Variants in ALCAM observed in about 807,000 individuals in gnomAD.
ALCAM encodes the protein CD166 antigen.
In ALCAM, 30 loss-of-function variants were observed where a neutral mutation model predicts 70.9. The ratio of observed to expected loss-of-function variants is 0.42; its 90% CI spans 0.32 to 0.57. ALCAM has a LOEUF of 0.57. Among genes scored for constraint, ALCAM ranks in the 20% least tolerant of loss-of-function variants. The probability of loss-of-function intolerance (pLI) is 0.11; values close to 1 mark genes in which losing one functional copy is unlikely to be tolerated. For synonymous variants in ALCAM, 249 were observed against 242.5 expected (o/e 1.03, Z -0.25); for missense variants, 591 against 695.1 (o/e 0.85, Z 1.68).
intron 1 of ALCAM, among the ~76,000 whole-genome samples, chr3:105,496,210 T>C (rs1401921836): frequency 6.6e-6 from 1 of 152,188 alleles, no homozygotes; most frequent in East Asian, 1.9e-4. Context: ...GAATATATCT[T>C]ACATTTTCAA....
At chr3:105,483,542 A>G (rs1335168994) in intron 1 of ALCAM, among the ~76,000 whole-genome samples, 2 of 152,116 alleles carry the variant, frequency 1.3e-5, no homozygotes, top group African/African-American at 4.8e-5. Flanking sequence ...TAAGAAAACA[A>G]TTAGTTCTGT....
chr3:105,505,737 CTT>C (rs1301046067), intron 1 of ALCAM, among the ~76,000 whole-genome samples: 1 of 152,132 alleles, frequency 6.6e-6, no homozygotes, highest in Non-Finnish European at 1.5e-5. Flanking sequence ...TAATAAATAA[CTT>C]ATTAAATTCT....
intron 1 of ALCAM, among the ~76,000 whole-genome samples, chr3:105,374,768 G>A (rs758550746): frequency 6.6e-5 from 10 of 151,988 alleles, no homozygotes; most frequent in Non-Finnish European, 8.8e-5. Flanking sequence ...TCTACATGCC[G>A]CGGCCTCCCA....
chr3:105,573,824 G>T (rs139590393), intron 15 of ALCAM, among the ~76,000 whole-genome samples: 1 of 152,154 alleles, frequency 6.6e-6, no homozygotes, highest in Non-Finnish European at 1.5e-5. Flanking sequence ...GGTCATCCAA[G>T]TTAATCCCAT....
chr3:105,433,394 C>T (rs1167896710), intron 1 of ALCAM, among the ~76,000 whole-genome samples: 1 of 152,120 alleles, frequency 6.6e-6, no homozygotes, highest in Non-Finnish European at 1.5e-5. Flanking sequence ...CCAGTGATGT[C>T]CAAGTCACTA....
rs374799425 is a variant in ALCAM, at chr3:105,455,268, C to T, written c.74-64799C>T. Among the ~76,000 whole-genome samples, 110 of 151,280 alleles carry T rather than the reference C, an allele frequency of 7.3e-4. 1 individual carries two copies. The South Asian group carries it at 0.011, about 15-fold the overall frequency. On this transcript the variant is annotated intron_variant, in intron 1 of 15. Coordinates refer to ENST00000306107, the MANE Select transcript of ALCAM (RefSeq NM_001627.4). ...CATCCTGGCTAACACGGTGAAACCCCGTCTCTACTAAAAATACAAAAAAAT... is the reference window on the plus strand; with the variant it reads ...CATCCTGGCTAACACGGTGAAACCCTGTCTCTACTAAAAATACAAAAAAAT...
intron 1 of ALCAM, among the ~76,000 whole-genome samples, chr3:105,484,654 A>G (rs1463159497): frequency 6.6e-6 from 1 of 152,128 alleles, no homozygotes; most frequent in African/African-American, 2.4e-5. Context: ...GGATATTAAT[A>G]CATAGTAATA....
intron 1 of ALCAM, among the ~76,000 whole-genome samples, chr3:105,519,750 T>A (rs1401177139): frequency 2.6e-4 from 39 of 152,154 alleles, no homozygotes; most frequent in Non-Finnish European, 2.9e-5. Context: ...GTAAAGAAGA[T>A]AATTCATCTG....
chr3:105,533,745 T>C (rs1485763598), intron 5 of ALCAM, 55 bp downstream of exon 5: 1 of 1,536,078 alleles, frequency 6.5e-7, no homozygotes, highest in Non-Finnish European at 9.0e-7. Flanking sequence ...GTTCTGACTT[T>C]CTTTGTTCTA....
intron 1 of ALCAM, among the ~76,000 whole-genome samples, chr3:105,406,748 GA>G (rs1470832238): frequency 1.4e-5 from 2 of 147,524 alleles, no homozygotes; most frequent in Non-Finnish European, 3.0e-5. Context: ...ACAATAAAAA[GA>G]TAAATGAAAA....
chr3:105,549,285 A>G (rs1940334210), intron 11 of ALCAM, among the ~76,000 whole-genome samples: 1 of 151,394 alleles, frequency 6.6e-6, no homozygotes, highest in African/African-American at 2.4e-5. Context: ...CTGTTATTTT[A>G]CAACTAGAAG....
intron 1 of ALCAM, among the ~76,000 whole-genome samples, chr3:105,517,035 G>A (rs541384663): frequency 3.9e-5 from 6 of 152,180 alleles, no homozygotes; most frequent in African/African-American, 7.2e-5. Context: ...AATCATTCGA[G>A]TTGACAGGTA....
chr3:105,473,891 T>G (rs146966731), intron 1 of ALCAM, among the ~76,000 whole-genome samples: 43 of 151,672 alleles, frequency 2.8e-4, no homozygotes, highest in Non-Finnish European at 4.9e-4. Flanking sequence ...GTTTTGTTTT[T>G]TTTTTTAAAG....
At chr3:105,494,445 CTTCCTTCT>C (rs1938680073) in intron 1 of ALCAM, among the ~76,000 whole-genome samples, 3 of 143,952 alleles carry the variant, frequency 2.1e-5, no homozygotes, top group Admixed American at 7.0e-5. Context: ...TCCTTCCTTC[CTTCCTTCT>C]TCTTTTCCCT....
chr3:105,531,889 C>T, intron 3 of ALCAM, 113 bp from the exon 4 acceptor site: 2 of 861,280 alleles, frequency 2.3e-6, no homozygotes, highest in South Asian at 2.8e-5. Context: ...TATTTTTATT[C>T]TGTTGCTTAT....
chr3:105,540,981 G>A (rs575406979), intron 7 of ALCAM, among the ~76,000 whole-genome samples: 1 of 152,084 alleles, frequency 6.6e-6, no homozygotes, highest in East Asian at 1.9e-4. Flanking sequence ...TTAGGTTTCT[G>A]CTTTGGCTAT....
intron 1 of ALCAM, among the ~76,000 whole-genome samples, chr3:105,454,694 G>C (rs1428540637): frequency 2.1e-4 from 20 of 94,212 alleles, no homozygotes; most frequent in Non-Finnish European, 2.7e-4. Context: ...TTTTGAGATG[G>C]AGTCTCGCTC....
At chr3:105,437,507 A>C (rs956150894) in intron 1 of ALCAM, among the ~76,000 whole-genome samples, 1 of 152,124 alleles carries the variant, frequency 6.6e-6, no homozygotes, top group African/African-American at 2.4e-5. Context: ...ATAATTAATA[A>C]GGAAGACAAG....
At chr3:105,528,460 GA>G (rs1359130225) in intron 3 of ALCAM, among the ~76,000 whole-genome samples, 1 of 152,080 alleles carries the variant, frequency 6.6e-6, no homozygotes, top group Non-Finnish European at 1.5e-5. Flanking sequence ...AAAACAAAAA[GA>G]AAAGTAGAGG....
Sources: allele counts gnomAD v4.1 joint callset (sites outside exome capture counted in the v4.1 genomes callset), GRCh38; gene constraint gnomAD v4.1.1; transcripts MANE v1.5; gene names NCBI Gene and HGNC (gene_info 2026-07-23, HGNC 2026-07-21).